The following ZYG11B variants were observed in gnomAD, a reference collection of about 807,000 sequenced individuals.
ZYG11B encodes the protein zyg-11 family member B, cell cycle regulator, also known as protein zyg-11 homolog B.
ZYG11B carries 36 observed loss-of-function variants against 82.4 expected under a neutral mutation model. The ratio of observed to expected loss-of-function variants is 0.44; its 90% CI spans 0.33 to 0.58. ZYG11B has a LOEUF of 0.58. Ranked by LOEUF, ZYG11B falls within the 20% of genes least tolerant of loss-of-function variation. The pLI is 0.02. For synonymous variants in ZYG11B, 303 were observed against 312.8 expected (o/e 0.97, Z 0.33); for missense variants, 552 against 895.6 (o/e 0.62, Z 4.90).
chr1:52,792,554 C>CG (rs1395174589), intron 6 of ZYG11B, among the ~76,000 whole-genome samples: 1 of 152,058 alleles, frequency 6.6e-6, no homozygotes, highest in Non-Finnish European at 1.5e-5. Flanking sequence ...TAGTAACTTG[C>CG]CCAAGGTAAT....
At chr1:52,772,931 C>T (rs922896350) in intron 3 of ZYG11B, among the ~76,000 whole-genome samples, 1 of 152,006 alleles carries the variant, frequency 6.6e-6, no homozygotes, top group African/African-American at 2.4e-5. Context: ...CCCGCCTCGG[C>T]CTCCCAAAGT....
At chr1:52,797,140 AT>A (rs1329442284) in intron 8 of ZYG11B, among the ~76,000 whole-genome samples, 1 of 72,886 alleles carries the variant, frequency 1.4e-5, no homozygotes, top group Non-Finnish European at 2.2e-5. Flanking sequence ...ATATTTATAT[AT>A]TATATATTAT....
rs939555418 is a variant in ZYG11B, at chr1:52,771,224, T to A, written c.401T>A (p.Ile134Asn). ...IISGLGSNKW[I>N]QQNLQCLVLN... ...AGTGGGCTTGGCAGTAACAAATGGATCCAGCAGAATCTCCAGTGCCTGGTG... is the reference window on the plus strand; with the variant it reads ...AGTGGGCTTGGCAGTAACAAATGGAACCAGCAGAATCTCCAGTGCCTGGTG... The change falls in exon 3 of 14, where the codon ATC becomes AAC. Residue 134 changes from isoleucine to asparagine, a missense_variant. Transcript: ENST00000294353. The surrounding 1 kb of genome is among the most constrained non-coding windows in gnomAD (Gnocchi z 5.4). 2 of 1,614,200 alleles carry A rather than the reference T, an allele frequency of 1.2e-6. No homozygotes were observed. Among genetic ancestry groups the A allele is most frequent in the Non-Finnish European group, 1.7e-6 (2 of 1,180,026 alleles).
At chr1:52,791,043 C>T (rs1472596062) in intron 6 of ZYG11B, among the ~76,000 whole-genome samples, 1 of 151,956 alleles carries the variant, frequency 6.6e-6, no homozygotes, top group African/African-American at 2.4e-5. Flanking sequence ...GCAATCTCAG[C>T]TCACTGCAAC....
chr1:52,771,781 C>G lies in ZYG11B; in HGVS notation c.951+7C>G. ...AGGCGAAGGACATTTGAAGGTTAGA[C>G]TTTAAAAATGTATTATTTTGTCAGG... On this transcript the variant is annotated splice_region_variant and intron_variant, in intron 3 of 13. Coordinates refer to ENST00000294353, the MANE Select transcript of ZYG11B (RefSeq NM_024646.3). This position sits in a 1 kb window ranked among gnomAD's most constrained non-coding sequence, Gnocchi z 5.4. 1 of 1,595,662 alleles carries G rather than the reference C, an allele frequency of 6.3e-7. No homozygotes were observed. Among genetic ancestry groups the G allele is most frequent in the Non-Finnish European group, 8.5e-7 (1 of 1,171,062 alleles).
chr1:52,816,064 T>G (rs1235424464), intron 12 of ZYG11B, among the ~76,000 whole-genome samples: 2 of 152,238 alleles, frequency 1.3e-5, no homozygotes, highest in Admixed American at 6.5e-5. Context: ...TCAACTTATT[T>G]TTTTTGTTTG....
chr1:52,751,199 C>T (rs1047664160), intron 1 of ZYG11B, among the ~76,000 whole-genome samples: 2 of 151,670 alleles, frequency 1.3e-5, no homozygotes, highest in African/African-American at 2.4e-5. Flanking sequence ...AGGCTGGTCT[C>T]GAACTTCTGG....
intron 1 of ZYG11B, among the ~76,000 whole-genome samples, chr1:52,741,298 C>CAAAAAAAAAA (rs770092920): frequency 4.6e-4 from 33 of 71,912 alleles, no homozygotes; most frequent in African/African-American, 6.3e-4. Flanking sequence ...GACTTCGTCT[C>CAAAAAAAAAA]AAAAAAAAAA....
At chr1:52,762,944 A>G (rs545985756) in intron 2 of ZYG11B, among the ~76,000 whole-genome samples, 2 of 123,052 alleles carry the variant, frequency 1.6e-5, no homozygotes, top group East Asian at 5.8e-4. Context: ...TCTTTGATTC[A>G]TTTTGAGTTG....
rs1178682931 is a variant in ZYG11B at position 52,813,695 on chromosome 1, T to C, written c.1855T>C (p.Leu619=). 6.2e-7 allele frequency: 1 copy of C among 1,614,152 alleles called. No homozygotes were observed. The change falls in exon 11 of 14, where the codon TTG becomes CTG. Residue 619 remains leucine, a synonymous_variant. Transcript: ENST00000294353. ...LISRGEQAWT[L]SRSQRNSLLD... is the part of the protein sequence containing the mutation. The stretch of plus-strand genomic sequence containing the variant: ...ATCCAGAGGTGAACAAGCTTGGACA[T>C]TGAGTCGTAGCCAGAGGAATTCTCT...
intron 3 of ZYG11B, among the ~76,000 whole-genome samples, chr1:52,774,609 A>ATTTTTTTTTTTTTTTTTT (rs35043109): frequency 2.7e-5 from 3 of 111,144 alleles, no homozygotes; most frequent in African/African-American, 9.7e-5. Flanking sequence ...GCCTGGCCTA[A>ATTTTTTTTTTTTTTTTTT]TTTTTTTTTT....
At chr1:52,748,665 G>A (rs902761728) in intron 1 of ZYG11B, among the ~76,000 whole-genome samples, 1 of 151,664 alleles carries the variant, frequency 6.6e-6, no homozygotes, top group African/African-American at 2.4e-5. Flanking sequence ...GAATTCGAGA[G>A]TAGCCTGGCC....
intron 3 of ZYG11B, among the ~76,000 whole-genome samples, chr1:52,774,978 ATTTT>A (rs1416926351): frequency 1.3e-5 from 2 of 151,980 alleles, no homozygotes; most frequent in African/African-American, 4.8e-5. Flanking sequence ...CTTAGTCTTC[ATTTT>A]ATTTGACCCA....
chr1:52,810,823 T>C (rs1359779200), intron 10 of ZYG11B, among the ~76,000 whole-genome samples: 1 of 151,996 alleles, frequency 6.6e-6, no homozygotes, highest in Admixed American at 6.6e-5. Flanking sequence ...TCACCTGAGG[T>C]CAGGAGTTCA....
chr1:52,745,405 T>A (rs1644467649), intron 1 of ZYG11B, among the ~76,000 whole-genome samples: 1 of 152,216 alleles, frequency 6.6e-6, no homozygotes, highest in African/African-American at 2.4e-5. Context: ...TGCTCTCTGG[T>A]ATGCCTTGCT....
chr1:52,768,881 A>G (rs1163079125), intron 2 of ZYG11B, among the ~76,000 whole-genome samples: 1 of 152,190 alleles, frequency 6.6e-6, no homozygotes, highest in African/African-American at 2.4e-5. Context: ...GGCATGAGCC[A>G]CTGCACCTGG....
chr1:52,808,122 G>A (rs1447265906), intron 10 of ZYG11B, among the ~76,000 whole-genome samples: 3 of 152,162 alleles, frequency 2.0e-5, no homozygotes, highest in African/African-American at 7.2e-5. Context: ...CAGCACTTTG[G>A]GAGGCCAAGG....
At chr1:52,768,685 C>A (rs886493403) in intron 2 of ZYG11B, among the ~76,000 whole-genome samples, 2 of 151,018 alleles carry the variant, frequency 1.3e-5, no homozygotes, top group African/African-American at 4.9e-5. Context: ...GCCTCCGCCT[C>A]CCAAGTTCGA....
intron 4 of ZYG11B, among the ~76,000 whole-genome samples, chr1:52,784,488 C>G (rs925465338): frequency 6.6e-6 from 1 of 152,206 alleles, no homozygotes; most frequent in African/African-American, 2.4e-5. Flanking sequence ...TTTTATTGCA[C>G]TTTAACCTCA....
Sources: allele counts gnomAD v4.1 joint callset (sites outside exome capture counted in the v4.1 genomes callset), GRCh38; gene constraint gnomAD v4.1.1; non-coding constraint Gnocchi (gnomAD v3.1); transcripts MANE v1.5; gene names NCBI Gene and HGNC (gene_info 2026-07-23, HGNC 2026-07-21).